The following DENND1B variants were observed in gnomAD, a reference collection of about 807,000 sequenced individuals.
The protein encoded by DENND1B is DENN domain-containing protein 1B.
A neutral mutation model predicts 90.1 loss-of-function variants in DENND1B; 59 were observed. The observed-to-expected ratio is 0.65, with a 90% confidence interval of 0.53 to 0.81. The LOEUF (loss-of-function observed/expected upper bound fraction) is 0.81, where lower values mean the gene tolerates loss of function less well. Ranked by LOEUF, DENND1B falls within the 40% of genes least tolerant of loss-of-function variation. The pLI, the probability that DENND1B is intolerant of heterozygous loss-of-function variation, is 0.00. For synonymous variants in DENND1B, 337 were observed against 324.6 expected (o/e 1.04, Z -0.41); for missense variants, 862 against 912.6 (o/e 0.94, Z 0.71).
chr1:197,545,354 G>A (rs1032919404), intron 18 of DENND1B, among the ~76,000 whole-genome samples: 17 of 151,936 alleles, frequency 1.1e-4, no homozygotes, highest in African/African-American at 2.9e-4. Context: ...ACAGTGAGCC[G>A]AGATCGTGCC....
intron 20 of DENND1B, among the ~76,000 whole-genome samples, chr1:197,530,583 T>A (rs556732181): frequency 6.6e-6 from 1 of 152,316 alleles, no homozygotes; most frequent in South Asian, 2.1e-4. Context: ...AGAATGAAGA[T>A]GGATAATTTT....
intron 2 of DENND1B, among the ~76,000 whole-genome samples, chr1:197,765,911 A>AT (rs1242766662): frequency 6.6e-6 from 1 of 152,224 alleles, no homozygotes; most frequent in Non-Finnish European, 1.5e-5. Context: ...GTGAAATTTG[A>AT]TTTGCTTTTT....
intron 15 of DENND1B, among the ~76,000 whole-genome samples, chr1:197,580,554 C>T (rs897328685): frequency 2.6e-5 from 4 of 152,056 alleles, no homozygotes; most frequent in African/African-American, 7.2e-5. Context: ...GGTCTGGGGG[C>T]ACTAACATTT....
At chr1:197,701,652 C>T (rs1477284666) in intron 3 of DENND1B, among the ~76,000 whole-genome samples, 1 of 152,060 alleles carries the variant, frequency 6.6e-6, no homozygotes, top group Non-Finnish European at 1.5e-5. Context: ...TCTTCCTTCT[C>T]CTAACAGACT....
At chr1:197,624,802 C>T (rs1348927651) in intron 10 of DENND1B, among the ~76,000 whole-genome samples, 2 of 151,630 alleles carry the variant, frequency 1.3e-5, no homozygotes, top group Non-Finnish European at 2.9e-5. Flanking sequence ...CTAGAATAAC[C>T]AATACAGAGA....
intron 13 of DENND1B, 127 bp from the exon 14 acceptor site, chr1:197,595,460 T>C (rs1211530217): frequency 8.4e-7 from 1 of 1,183,686 alleles, no homozygotes; most frequent in Non-Finnish European, 1.2e-6. Flanking sequence ...CCCTGATAGC[T>C]TATCTTTTTA....
chr1:197,622,835 G>C (rs557598681), intron 10 of DENND1B, among the ~76,000 whole-genome samples: 23 of 151,424 alleles, frequency 1.5e-4, no homozygotes, highest in African/African-American at 5.6e-4. Flanking sequence ...ATATTTATTA[G>C]AAGAAATCAG....
chr1:197,671,966 A>T (rs1655550944), intron 5 of DENND1B, 71 bp downstream of exon 5: 7 of 1,412,436 alleles, frequency 5.0e-6, no homozygotes, highest in Non-Finnish European at 6.6e-6. Flanking sequence ...TCTTCATCCC[A>T]AGCATAACAA....
At chr1:197,677,985 G>T (rs1295313651) in intron 3 of DENND1B, among the ~76,000 whole-genome samples, 1 of 152,144 alleles carries the variant, frequency 6.6e-6, no homozygotes, top group Non-Finnish European at 1.5e-5. Context: ...AGTGAAGGAA[G>T]CCTCCCTTTC....
chr1:197,773,837 G>A (rs1656917117), intron 1 of DENND1B, among the ~76,000 whole-genome samples: 1 of 152,072 alleles, frequency 6.6e-6, no homozygotes, highest in African/African-American at 2.4e-5. Context: ...TTACCACAAC[G>A]GCCAATGTGT....
intron 3 of DENND1B, among the ~76,000 whole-genome samples, chr1:197,688,159 T>TA (rs1657455203): frequency 6.6e-6 from 1 of 151,956 alleles, no homozygotes; most frequent in Non-Finnish European, 1.5e-5. Flanking sequence ...ACTGATGAAA[T>TA]AAATTTTAAG....
At chr1:197,617,414 G>A (rs1677754460) in intron 11 of DENND1B, among the ~76,000 whole-genome samples, 1 of 151,036 alleles carries the variant, frequency 6.6e-6, no homozygotes, top group African/African-American at 2.4e-5. Context: ...TTTGCATTGA[G>A]TTATCTAAAT....
intron 5 of DENND1B, among the ~76,000 whole-genome samples, chr1:197,667,719 T>A (rs576039810): frequency 2.1e-4 from 32 of 152,298 alleles, no homozygotes; most frequent in African/African-American, 7.5e-4. Flanking sequence ...TTCTTAATTC[T>A]GCTATGTCAC....
chr1:197,528,166 C>T (rs1669281111), intron 20 of DENND1B, among the ~76,000 whole-genome samples: 1 of 152,066 alleles, frequency 6.6e-6, no homozygotes, highest in South Asian at 2.1e-4. Context: ...TTATAAGTTT[C>T]ACAGAAAATT....
chr1:197,626,169 G>T (rs1678694122), intron 10 of DENND1B, among the ~76,000 whole-genome samples: 1 of 151,996 alleles, frequency 6.6e-6, no homozygotes, highest in Non-Finnish European at 1.5e-5. Context: ...GCACCAAGCA[G>T]ACCTAATAGA....
At chr1:197,749,992 C>T (rs904184705) in intron 2 of DENND1B, among the ~76,000 whole-genome samples, 3 of 151,908 alleles carry the variant, frequency 2.0e-5, no homozygotes, top group African/African-American at 7.3e-5. Flanking sequence ...GACTACAGGT[C>T]CACACCACCA....
intron 15 of DENND1B, among the ~76,000 whole-genome samples, chr1:197,554,678 A>G (rs1355925527): frequency 6.6e-6 from 1 of 151,484 alleles, no homozygotes; most frequent in Non-Finnish European, 1.5e-5. Flanking sequence ...TCTCTACTAA[A>G]AAATACAAAA....
chr1:197,719,073 A>ACAC (rs1444132986), intron 2 of DENND1B, among the ~76,000 whole-genome samples: 1 of 151,014 alleles, frequency 6.6e-6, no homozygotes, highest in Non-Finnish European at 1.5e-5. Context: ...AAAAGACATA[A>ACAC]CACCACAGTA....
chr1:197,763,342 T>C (rs553226736), intron 2 of DENND1B, among the ~76,000 whole-genome samples: 6 of 152,352 alleles, frequency 3.9e-5, no homozygotes, highest in Middle Eastern at 3.4e-3. Context: ...ACTGTAATTA[T>C]ACTTCTTTTA....
Sources: gnomAD v4.1 joint callset for allele counts (sites outside exome capture counted in the v4.1 genomes callset) on GRCh38, gnomAD v4.1.1 for gene constraint, MANE v1.5 for transcripts, NCBI Gene and HGNC (gene_info 2026-07-23, HGNC 2026-07-21) for gene names.